GALNTL6: variants seen among roughly 807,000 people sequenced by gnomAD.
GALNTL6 encodes polypeptide N-acetylgalactosaminyltransferase like 6.
Under a neutral mutation model 73.7 loss-of-function variants are expected in GALNTL6, and 46 were observed. The ratio of observed to expected loss-of-function variants is 0.62; its 90% CI spans 0.49 to 0.80. The LOEUF (loss-of-function observed/expected upper bound fraction) is 0.80. Among genes scored for constraint, GALNTL6 ranks in the 30% least tolerant of loss-of-function variants. The pLI is 0.00. For synonymous variants in GALNTL6, 259 were observed against 263.7 expected, an observed-to-expected ratio of 0.98 and a Z score of 0.17; for missense variants, 604 against 755.0, an observed-to-expected ratio of 0.80 and a Z score of 2.34.
intron 2 of GALNTL6, among the ~76,000 whole-genome samples, chr4:171,886,199 A>G (rs1016928334): frequency 3.9e-5 from 6 of 152,302 alleles, no homozygotes; most frequent in African/African-American, 1.4e-4. Context: ...TTCAATTTAT[A>G]GTGAACAAAA....
chr4:172,571,101 C>A lies in GALNTL6; in HGVS notation c.553+222412C>A, dbSNP rs187883597. On this transcript the variant is annotated intron_variant, in intron 5 of 12. Transcript: ENST00000506823. ...AGTGCGTGGCCTGGTTCCTAAAAGG[C>A]CACAGACTGGTATAGGGGTTGGGGA... Among the ~76,000 whole-genome samples, 27 of 152,254 alleles carry A rather than the reference C, an allele frequency of 1.8e-4. No homozygotes were observed. In the East Asian group the frequency reaches 5.0e-3, roughly 28 times the overall value.
intron 7 of GALNTL6, among the ~76,000 whole-genome samples, chr4:172,836,353 A>C (rs1742910304): frequency 6.6e-6 from 1 of 152,212 alleles, no homozygotes; most frequent in African/African-American, 2.4e-5. Flanking sequence ...TTTCACATCC[A>C]GTTAAACTCC....
intron 5 of GALNTL6, among the ~76,000 whole-genome samples, chr4:172,661,773 A>G (rs535927616): frequency 3.3e-5 from 5 of 152,186 alleles, no homozygotes; most frequent in Non-Finnish European, 7.3e-5. Context: ...ATAGGCAACT[A>G]GTCCTAGAAA....
intron 2 of GALNTL6, among the ~76,000 whole-genome samples, chr4:171,822,393 G>T (rs1341862258): frequency 6.6e-6 from 1 of 152,168 alleles, no homozygotes; most frequent in Non-Finnish European, 1.5e-5. Flanking sequence ...ACAGAAGTAT[G>T]TAACTGTGGG....
intron 2 of GALNTL6, among the ~76,000 whole-genome samples, chr4:172,211,717 T>C (rs1343434606): frequency 6.6e-6 from 1 of 152,210 alleles, no homozygotes; most frequent in Non-Finnish European, 1.5e-5. Context: ...TCATATTCTA[T>C]GGGACCAGAA....
chr4:172,356,623 C>G (rs563251312), intron 5 of GALNTL6, among the ~76,000 whole-genome samples: 1 of 152,102 alleles, frequency 6.6e-6, no homozygotes, highest in Non-Finnish European at 1.5e-5. Context: ...TAACAAAATT[C>G]TCCCCTAATA....
At chr4:171,977,183 A>G (rs1345565870) in intron 2 of GALNTL6, among the ~76,000 whole-genome samples, 4 of 152,208 alleles carry the variant, frequency 2.6e-5, no homozygotes, top group Non-Finnish European at 5.9e-5. Flanking sequence ...ATAGGTGATT[A>G]TTTAATCCAA....
intron 7 of GALNTL6, among the ~76,000 whole-genome samples, chr4:172,842,829 C>CA (rs1743286358): frequency 6.6e-6 from 1 of 151,026 alleles, no homozygotes; most frequent in South Asian, 2.1e-4. Context: ...TTCTCCTGAC[C>CA]AAAAAAGGAC....
At chr4:172,633,887 G>A (rs1236939879) in intron 5 of GALNTL6, among the ~76,000 whole-genome samples, 1 of 152,320 alleles carries the variant, frequency 6.6e-6, no homozygotes, top group East Asian at 1.9e-4. Flanking sequence ...CCCTGCATAA[G>A]CTCTCTTGCC....
chr4:172,917,409 A>C (rs1258888346), intron 8 of GALNTL6, among the ~76,000 whole-genome samples: 4 of 152,248 alleles, frequency 2.6e-5, no homozygotes, highest in African/African-American at 9.6e-5. Context: ...GGATCTAATT[A>C]AACTAAAGAG....
At chr4:171,957,783 T>C (rs1214331393) in intron 2 of GALNTL6, among the ~76,000 whole-genome samples, 1 of 152,096 alleles carries the variant, frequency 6.6e-6, no homozygotes, top group Non-Finnish European at 1.5e-5. Context: ...CCCTTTAGAA[T>C]AGGGAATGTC....
At chr4:172,934,045 A>T (rs1434566160) in intron 9 of GALNTL6, among the ~76,000 whole-genome samples, 2 of 152,212 alleles carry the variant, frequency 1.3e-5, no homozygotes, top group Non-Finnish European at 2.9e-5. Flanking sequence ...GTTCTTCAGT[A>T]CCTTCTATTT....
At chr4:172,689,011 G>A (rs1231496008) in intron 5 of GALNTL6, among the ~76,000 whole-genome samples, 1 of 151,846 alleles carries the variant, frequency 6.6e-6, no homozygotes, top group Non-Finnish European at 1.5e-5. Context: ...ACAGAAATTA[G>A]CTCACACTAC....
intron 8 of GALNTL6, among the ~76,000 whole-genome samples, chr4:172,922,693 T>C (rs1301084242): frequency 2.0e-5 from 3 of 152,298 alleles, no homozygotes; most frequent in Non-Finnish European, 4.4e-5. Flanking sequence ...CTAAGTATAA[T>C]TGAAAGAAGA....
At chr4:172,492,825 T>C (rs338003) in intron 5 of GALNTL6, among the ~76,000 whole-genome samples, 16,616 of 152,214 alleles carry the variant, frequency 0.11, 975 homozygotes, top group East Asian at 0.23. Context: ...TTTAATCTTA[T>C]TTATTAAATA....
chr4:172,065,291 T>C (rs1036062882), intron 2 of GALNTL6, among the ~76,000 whole-genome samples: 3 of 152,140 alleles, frequency 2.0e-5, no homozygotes, highest in Non-Finnish European at 2.9e-5. Context: ...TGTGCTCCTA[T>C]GAGACTCTAA....
intron 2 of GALNTL6, among the ~76,000 whole-genome samples, chr4:172,080,067 A>G (rs1002425317): frequency 6.6e-6 from 1 of 152,164 alleles, no homozygotes; most frequent in Non-Finnish European, 1.5e-5. Context: ...CTTTCCTTTT[A>G]GGCATGACTT....
At chr4:171,943,419 G>C (rs1236187486) in intron 2 of GALNTL6, among the ~76,000 whole-genome samples, 1 of 152,112 alleles carries the variant, frequency 6.6e-6, no homozygotes. Flanking sequence ...TTTACTTCTT[G>C]ATTGCTGAAA....
chr4:172,946,497 A>G (rs1561049149), intron 9 of GALNTL6, among the ~76,000 whole-genome samples: 2 of 152,230 alleles, frequency 1.3e-5, no homozygotes, highest in African/African-American at 4.8e-5. Flanking sequence ...AACAGTGATC[A>G]GTCAAGCTGG....
Sources: allele counts gnomAD v4.1 joint callset (sites outside exome capture counted in the v4.1 genomes callset), GRCh38; gene constraint gnomAD v4.1.1; transcripts MANE v1.5; gene names NCBI Gene and HGNC (gene_info 2026-07-23, HGNC 2026-07-21).